PON3: variants seen among roughly 807,000 people sequenced by gnomAD.
PON3 encodes the protein serum paraoxonase/lactonase 3.
Under a neutral mutation model 36.3 loss-of-function variants are expected in PON3, and 37 were observed. The ratio of observed to expected loss-of-function variants is 1.02; its 90% CI spans 0.78 to 1.34. The LOEUF (loss-of-function observed/expected upper bound fraction) is 1.34, where lower values mean the gene tolerates loss of function less well. Ranked by LOEUF, PON3 falls within the 40% of genes most tolerant of loss-of-function variation. The pLI, the probability that PON3 is intolerant of heterozygous loss-of-function variation, is 0.00. For synonymous variants in PON3, 155 were observed against 154.8 expected, an observed-to-expected ratio of 1.00 and a Z score of -0.01; for missense variants, 415 against 426.5, an observed-to-expected ratio of 0.97 and a Z score of 0.24.
intron 4 of PON3, among the ~76,000 whole-genome samples, chr7:95,367,840 A>G (rs1222231205): frequency 1.3e-5 from 2 of 152,224 alleles, no homozygotes; most frequent in Non-Finnish European, 2.9e-5. Flanking sequence ...CCCTTCAGCA[A>G]GAGAAGTGAG....
chr7:95,361,287 A>C (rs1808564591), intron 8 of PON3, among the ~76,000 whole-genome samples: 2 of 152,200 alleles, frequency 1.3e-5, no homozygotes, highest in Admixed American at 1.3e-4. Context: ...TCATATTTTT[A>C]ACTGAAAGAC....
chr7:95,395,961 T>TCA (rs1809422661), intron 1 of PON3: 2 of 391,592 alleles, frequency 5.1e-6, no homozygotes, highest in African/African-American at 4.1e-5. Flanking sequence ...CCAAGCAGAA[T>TCA]GTTGAGGGCG....
rs748425892 is a variant in PON3 at position 95,367,320 on chromosome 7, G to A, written c.494+42C>T. 7 of 1,603,900 alleles carry A rather than the reference G, an allele frequency of 4.4e-6. No individual in the cohort carries two copies. The African/African-American group carries it at 5.3e-5, about 12-fold the overall frequency. ...CAAAAAATACAAAGCACACAGCAGA[G>A]GTGCAAAGTAAATAGAACCGCACAA... is the stretch of plus-strand genomic sequence containing the variant. On this transcript the variant is annotated intron_variant, in intron 5 of 8. Transcript: ENST00000265627.
intron 3 of PON3, among the ~76,000 whole-genome samples, chr7:95,373,064 G>A (rs575599345): frequency 6.6e-6 from 1 of 152,304 alleles, no homozygotes; most frequent in South Asian, 2.1e-4. Context: ...TGAGTCCACT[G>A]TGACAAACCT....
chr7:95,376,391 C>T (rs1435183236), intron 3 of PON3, among the ~76,000 whole-genome samples: 2 of 152,132 alleles, frequency 1.3e-5, no homozygotes, highest in Non-Finnish European at 2.9e-5. Flanking sequence ...CAGCAACTTC[C>T]AAACATCTTC....
intron 1 of PON3, chr7:95,395,985 G>A (rs916748943): frequency 6.7e-6 from 3 of 447,670 alleles, no homozygotes; most frequent in Admixed American, 3.4e-5. Context: ...TGGGAAAGGG[G>A]TCATCACGTT....
chr7:95,365,850 A>G (rs1808678233), intron 5 of PON3: 1 of 152,198 alleles, frequency 6.6e-6, no homozygotes. Context: ...ATTCATCTTC[A>G]CATAGCATTC....
intron 3 of PON3, among the ~76,000 whole-genome samples, chr7:95,388,403 C>A (rs889689118): frequency 6.6e-6 from 1 of 152,134 alleles, no homozygotes; most frequent in Admixed American, 6.5e-5. Flanking sequence ...CATCTCATGC[C>A]AGTTAGAATG....
At position 95,376,522 on chromosome 7, in the gene PON3, A is replaced by G. The variant is rs112828183; in HGVS notation, c.202-4184T>C. On this transcript the variant is annotated intron_variant, in intron 3 of 8. Transcript: ENST00000265627. The stretch of plus-strand genomic sequence containing the variant: ...TCCTTATCCTATAAGTTGTTTGTTC[A>G]TTTACAAAAGGAGATCCATTATTTA... 7.1e-3 allele frequency among the ~76,000 whole-genome samples: 1,084 copies of G among 152,298 alleles called. 14 individuals carry two copies. The highest frequency in any genetic ancestry group is 0.025 in the African/African-American group (1,027 of 41,548).
intron 6 of PON3, 146 bp from the exon 7 acceptor site, chr7:95,362,987 G>A: frequency 1.5e-6 from 1 of 672,692 alleles, no homozygotes; most frequent in Non-Finnish European, 2.7e-6. Context: ...AAGATAATGG[G>A]GTAGTATTTT....
At chr7:95,373,373 C>CT (rs1215302349) in intron 3 of PON3, among the ~76,000 whole-genome samples, 1 of 152,114 alleles carries the variant, frequency 6.6e-6, no homozygotes, top group Non-Finnish European at 1.5e-5. Context: ...TATCTTCAAA[C>CT]TTTTTTTAGA....
chr7:95,390,190 A>C lies in PON3; in HGVS notation c.165T>G (p.Ile55Met). 6.2e-7 allele frequency: 1 copy of C among 1,611,996 alleles called. No homozygotes were observed. Among genetic ancestry groups the C allele is most frequent in the Non-Finnish European group, 8.5e-7 (1 of 1,178,168 alleles). The change falls in exon 3 of 9, where the codon ATT becomes ATG. Residue 55 changes from isoleucine (I) to methionine (M), a missense_variant. Transcript: ENST00000265627. Reference sequence around the variant, plus strand: ...AAGCCAGCCCACTAGGAAGTATATCAATATCTTCAGAGCCACTTTCTGCAA... The same window carrying C: ...AAGCCAGCCCACTAGGAAGTATATCCATATCTTCAGAGCCACTTTCTGCAA... ...IEELESGSED[I>M]DILPSGLAFI...
At chr7:95,390,054 G>T in intron 3 of PON3, 100 bp downstream of exon 3, 1 of 1,237,170 alleles carries the variant, frequency 8.1e-7, no homozygotes, top group Non-Finnish European at 1.2e-6. Flanking sequence ...GAGGTGGGAT[G>T]AGAGCATAGG....
chr7:95,381,613 T>G (rs1387455879), intron 3 of PON3, among the ~76,000 whole-genome samples: 2 of 152,130 alleles, frequency 1.3e-5, no homozygotes, highest in Admixed American at 1.3e-4. Flanking sequence ...AGAAGGCCAT[T>G]AAACAATGGT....
chr7:95,362,666 G>C lies in PON3; in HGVS notation c.777+94C>G, dbSNP rs558325284. On this transcript the variant is annotated intron_variant, in intron 7 of 8. Transcript: ENST00000265627. Reference sequence around the variant, plus strand: ...ATCTCACTGGCATTGCTCTCAAATAGCCATGTTTTCCTCATTCAAGGGGCA... The same window carrying C: ...ATCTCACTGGCATTGCTCTCAAATACCCATGTTTTCCTCATTCAAGGGGCA... The C allele has an allele frequency of 2.2e-6, 3 of 1,380,654 alleles. No homozygotes were observed. The African/African-American group carries it at 4.3e-5, about 20-fold the overall frequency. The allele number at this position is 1,380,654 out of a possible 1,614,324, so 85.5% of individuals were successfully genotyped here. A position where few individuals can be genotyped will look rare whatever the true frequency, so the allele number is the denominator to read the frequency against.
intron 8 of PON3, among the ~76,000 whole-genome samples, chr7:95,360,793 T>A (rs17882955): frequency 0.036 from 5,480 of 152,212 alleles, 325 homozygotes; most frequent in African/African-American, 0.12. Flanking sequence ...AGGAAAACAA[T>A]TAGAAATTTA....
chr7:95,376,147 T>C (rs1460240536), intron 3 of PON3, among the ~76,000 whole-genome samples: 1 of 152,108 alleles, frequency 6.6e-6, no homozygotes, highest in African/African-American at 2.4e-5. Context: ...GAGGGAACAT[T>C]GAAGAGGCAC....
intron 3 of PON3, among the ~76,000 whole-genome samples, chr7:95,372,960 C>T (rs924440237): frequency 3.3e-5 from 5 of 152,240 alleles, no homozygotes; most frequent in East Asian, 1.9e-4. Flanking sequence ...AAAGTTTATT[C>T]CAGTAACTTG....
intron 3 of PON3, among the ~76,000 whole-genome samples, chr7:95,375,448 T>C (rs1237119226): frequency 2.6e-5 from 4 of 151,612 alleles, no homozygotes; most frequent in Admixed American, 2.6e-4. Context: ...ATGAGGGAAA[T>C]GAGGCCTAGA....
Sources: gnomAD v4.1 joint callset for allele counts (sites outside exome capture counted in the v4.1 genomes callset) on GRCh38, gnomAD v4.1.1 for gene constraint, MANE v1.5 for transcripts, NCBI Gene and HGNC (gene_info 2026-07-23, HGNC 2026-07-21) for gene names.